STK32B: variants seen among roughly 807,000 people sequenced by gnomAD.
STK32B encodes serine/threonine-protein kinase 32B.
Under a neutral mutation model 52.6 loss-of-function variants are expected in STK32B, and 43 were observed. That is an observed-to-expected ratio of 0.82 (90% CI 0.64 to 1.05). STK32B has a LOEUF of 1.05. Among genes scored for constraint, STK32B ranks in the 50% least tolerant of loss-of-function variants. The pLI, the probability that STK32B is intolerant of heterozygous loss-of-function variation, is 0.00. For missense variants in STK32B, 621 were observed against 534.6 expected, an observed-to-expected ratio of 1.16 and a Z score of -1.59; for synonymous variants, 238 against 204.3, an observed-to-expected ratio of 1.17 and a Z score of -1.41.
intron 7 of STK32B, among the ~76,000 whole-genome samples, chr4:5,450,634 G>A (rs961855184): frequency 1.3e-5 from 2 of 152,140 alleles, no homozygotes; most frequent in Non-Finnish European, 2.9e-5. Flanking sequence ...CCTAAGCAAG[G>A]CTTTTAAACA....
At chr4:5,335,930 T>C (rs1019483297) in intron 4 of STK32B, among the ~76,000 whole-genome samples, 2 of 151,626 alleles carry the variant, frequency 1.3e-5, no homozygotes, top group African/African-American at 4.9e-5. Context: ...AGGTGTGGTG[T>C]GGTGCTGAAA....
intron 3 of STK32B, among the ~76,000 whole-genome samples, chr4:5,222,567 A>G (rs1325983278): frequency 6.6e-6 from 1 of 152,240 alleles, no homozygotes; most frequent in Non-Finnish European, 1.5e-5. Flanking sequence ...TTGTTACACA[A>G]TGACAAAGAA....
Position 5,351,136 on chromosome 4 carries a change from A to C in STK32B, c.434+19743A>C, listed in dbSNP as rs545606929. Among the ~76,000 whole-genome samples, 5 of 152,198 alleles carry C rather than the reference A, an allele frequency of 3.3e-5. No homozygotes were observed. In the South Asian group the frequency reaches 1.0e-3, roughly 32 times the overall value. ...TTATACTCCACATAAGACCAAAAGG[A>C]CCTACCAGACATTTAAGACCATTTC... On this transcript the variant is annotated intron_variant, in intron 4 of 11. Transcript: ENST00000282908.
chr4:5,057,978 T>TA (rs1742071793), intron 1 of STK32B, among the ~76,000 whole-genome samples: 1 of 152,284 alleles, frequency 6.6e-6, no homozygotes, highest in Admixed American at 6.5e-5. Context: ...AAACACACTC[T>TA]ATTAGGCTGA....
Position 5,159,843 on chromosome 4 carries a change from A to G in STK32B, c.109-8456A>G, listed in dbSNP as rs139196385. ...GAGTTTGATTGATTTCGTTGATAAGATGATTATGGAAGCTGCCAAATGCAA... is the reference window on the plus strand; with the variant it reads ...GAGTTTGATTGATTTCGTTGATAAGGTGATTATGGAAGCTGCCAAATGCAA... On this transcript the variant is annotated intron_variant, in intron 2 of 11. Transcript: ENST00000282908. 5.1e-3 allele frequency among the ~76,000 whole-genome samples: 763 copies of G among 150,564 alleles called. 8 individuals carry two copies. The highest frequency in any genetic ancestry group is 0.018 in the African/African-American group (728 of 40,624).
chr4:5,101,573 T>C (rs2108794443), intron 1 of STK32B, among the ~76,000 whole-genome samples: 1 of 152,344 alleles, frequency 6.6e-6, no homozygotes, highest in South Asian at 2.1e-4. Flanking sequence ...TTTATCATTT[T>C]TTCTGATACA....
intron 8 of STK32B, among the ~76,000 whole-genome samples, chr4:5,457,336 C>T (rs1716637385): frequency 6.6e-6 from 1 of 151,300 alleles, no homozygotes; most frequent in East Asian, 2.0e-4. Flanking sequence ...CTGCCTCAGC[C>T]TCCTGAGTAG....
At chr4:5,384,819 C>T (rs898731143) in intron 4 of STK32B, among the ~76,000 whole-genome samples, 5 of 152,184 alleles carry the variant, frequency 3.3e-5, no homozygotes, top group South Asian at 2.1e-4. Flanking sequence ...GGGGCTGTGA[C>T]GATTCCAGAG....
intron 1 of STK32B, among the ~76,000 whole-genome samples, chr4:5,100,697 CCT>C (rs1560151402): frequency 2.5e-5 from 1 of 39,974 alleles, no homozygotes; most frequent in Non-Finnish European, 4.4e-5. Flanking sequence ...TTCTTTCTTT[CCT>C]TCCTTCCTTT....
chr4:5,420,777 G>A (rs1419963973), intron 6 of STK32B, among the ~76,000 whole-genome samples: 2 of 152,174 alleles, frequency 1.3e-5, no homozygotes, highest in Non-Finnish European at 2.9e-5. Flanking sequence ...CCCATTAGAA[G>A]CCTCCTCTGT....
chr4:5,199,127 A>G (rs1047690221), intron 3 of STK32B, among the ~76,000 whole-genome samples: 12 of 152,192 alleles, frequency 7.9e-5, no homozygotes, highest in African/African-American at 2.9e-4. Context: ...ACAGGACATT[A>G]TAAAGCAGAT....
At chr4:5,122,552 C>T (rs1715114924) in intron 1 of STK32B, among the ~76,000 whole-genome samples, 1 of 150,130 alleles carries the variant, frequency 6.7e-6, no homozygotes, top group South Asian at 2.1e-4. Flanking sequence ...CTTTTACTCA[C>T]TCATTCACTC....
intron 1 of STK32B, among the ~76,000 whole-genome samples, chr4:5,077,949 C>T (rs1484573817): frequency 6.6e-6 from 1 of 152,100 alleles, no homozygotes; most frequent in Admixed American, 6.5e-5. Context: ...AAGGAAGTGG[C>T]CCAGGGTGCA....
At chr4:5,193,920 T>C (rs185360335) in intron 3 of STK32B, among the ~76,000 whole-genome samples, 16 of 152,296 alleles carry the variant, frequency 1.1e-4, no homozygotes, top group African/African-American at 2.9e-4. Flanking sequence ...GAAGCAGATA[T>C]CCTTTCCCTA....
intron 11 of STK32B, among the ~76,000 whole-genome samples, chr4:5,475,424 CAAA>C (rs34219344): frequency 1.8e-5 from 1 of 56,946 alleles, no homozygotes. Flanking sequence ...GACTCCATCT[CAAA>C]AAAAAAAAAA....
chr4:5,499,085 C>A lies in STK32B; in HGVS notation c.*2C>A. 1 of 1,607,354 alleles carries A rather than the reference C, an allele frequency of 6.2e-7. No homozygotes were observed. Among genetic ancestry groups the A allele is most frequent in the Non-Finnish European group, 8.5e-7 (1 of 1,176,330 alleles). ...TGCACCCGTGGCTGCAGCAGCTGAG[C>A]CCACACTTGTTGCTGCTCAACAGGA... On this transcript the variant is annotated 3_prime_UTR_variant, in exon 12 of 12. Coordinates refer to ENST00000282908, the MANE Select transcript of STK32B (RefSeq NM_018401.3).
rs745708581 is a variant in STK32B, at chr4:5,396,792, G to A, written c.435-1415G>A. On this transcript the variant is annotated intron_variant, in intron 4 of 11. Transcript: ENST00000282908. The surrounding 1 kb of genome is among the most constrained non-coding windows in gnomAD (Gnocchi z 4.7). ...TCATCTTTTGTTGAGAAACCCTGCT[G>A]GGAGCCACCCTGGGCAGGGACCAAG... Among the ~76,000 whole-genome samples the A allele has an allele frequency of 5.3e-5, 8 of 152,174 alleles. No homozygotes were observed. Among genetic ancestry groups the A allele is most frequent in the Non-Finnish European group, 8.8e-5 (6 of 68,028 alleles).
intron 3 of STK32B, among the ~76,000 whole-genome samples, chr4:5,257,463 A>G (rs898770767): frequency 1.3e-5 from 2 of 152,194 alleles, no homozygotes; most frequent in African/African-American, 4.8e-5. Flanking sequence ...TGTCCAGAAC[A>G]TGGTAGCTCC....
intron 3 of STK32B, among the ~76,000 whole-genome samples, chr4:5,325,902 G>A (rs1731842607): frequency 6.6e-6 from 1 of 152,200 alleles, no homozygotes; most frequent in South Asian, 2.1e-4. Flanking sequence ...AAACTACAGA[G>A]AGATAAATGA....
Sources: allele counts gnomAD v4.1 joint callset (sites outside exome capture counted in the v4.1 genomes callset), GRCh38; gene constraint gnomAD v4.1.1; non-coding constraint Gnocchi (gnomAD v3.1); transcripts MANE v1.5; gene names NCBI Gene and HGNC (gene_info 2026-07-23, HGNC 2026-07-21).